The following C6orf120 variants were observed in gnomAD, a reference collection of about 807,000 sequenced individuals.
C6orf120 encodes the protein chromosome 6 open reading frame 120.
For missense variants in C6orf120, 311 were observed against 264.2 expected (o/e 1.18, Z -1.23); for synonymous variants, 165 against 123.1 (o/e 1.34, Z -2.25).
At chr6:169,702,322 A>C in exon 1 of C6orf120, 1 of 644,604 alleles carries the variant, frequency 1.6e-6, no homozygotes, top group South Asian at 1.8e-5. Context: ...GGGAAGGGAC[A>C]GTCCCAGCGA....
exon 1 of C6orf120, chr6:169,702,270 G>T (rs1488576246): frequency 1.2e-5 from 8 of 691,488 alleles, no homozygotes; most frequent in South Asian, 9.1e-5. Context: ...CGCTACGGGG[G>T]AGGGGTTAAC....
exon 1 of C6orf120, chr6:169,702,877 G>C: frequency 2.5e-6 from 4 of 1,611,988 alleles, no homozygotes; most frequent in Non-Finnish European, 3.4e-6. Context: ...CGGCACGGTC[G>C]AGCAGCACCC....
exon 1 of C6orf120, chr6:169,704,106 A>T (rs1392456665): frequency 6.4e-7 from 1 of 1,564,710 alleles, no homozygotes; most frequent in Admixed American, 2.2e-5. Flanking sequence ...AAAAATTGTT[A>T]ATATAGAATG....
chr6:169,705,518 G>A (rs1041387078), downstream of C6orf120: 6 of 790,896 alleles, frequency 7.6e-6, no homozygotes, highest in East Asian at 1.2e-4. Flanking sequence ...ATTTAATTTG[G>A]TGACTCTTTG....
At chr6:169,705,707 A>G, downstream of C6orf120, 1 of 1,572,442 alleles carries the variant, frequency 6.4e-7, no homozygotes, top group Non-Finnish European at 8.8e-7. Flanking sequence ...CACATATAGC[A>G]TTTGGAATGA....
At chr6:169,703,809 TATAAA>T in exon 1 of C6orf120, 1 of 556,906 alleles carries the variant, frequency 1.8e-6, no homozygotes, top group South Asian at 2.7e-5. Context: ...CCAAGGTTAC[TATAAA>T]ATACTTTGGA....
At chr6:169,705,784 G>A (rs1427820194), downstream of C6orf120, 7 of 867,280 alleles carry the variant, frequency 8.1e-6, no homozygotes, top group Non-Finnish European at 1.4e-5. Context: ...GGGTTTAAAA[G>A]GAATTCTGTT....
chr6:169,704,020 T>A, exon 1 of C6orf120: 1 of 1,601,212 alleles, frequency 6.2e-7, no homozygotes, highest in Non-Finnish European at 8.5e-7. Context: ...TCTTTGCTGT[T>A]TTTCCCCCTT....
chr6:169,706,165 TA>T (rs1466449068), downstream of C6orf120, among the ~76,000 whole-genome samples: 7 of 152,264 alleles, frequency 4.6e-5, 1 homozygote, highest in Admixed American at 4.6e-4. Context: ...ACTGCAAAAC[TA>T]GAGCTATAAA....
chr6:169,702,422 C>G, exon 1 of C6orf120: 1 of 1,318,022 alleles, frequency 7.6e-7, no homozygotes, highest in Non-Finnish European at 1.0e-6. Flanking sequence ...CCCAGCAGCA[C>G]TGACCCACTT....
At chr6:169,705,840 C>T (rs1335595589), downstream of C6orf120, 5 of 661,916 alleles carry the variant, frequency 7.6e-6, no homozygotes, top group Non-Finnish European at 1.4e-5. Flanking sequence ...TAATGAGGAC[C>T]ATTTTGAAAG....
exon 1 of C6orf120, chr6:169,702,595 C>G (rs753431727): frequency 3.7e-6 from 6 of 1,613,188 alleles, no homozygotes; most frequent in Non-Finnish European, 5.1e-6. Context: ...GCACGTCGTC[C>G]AGGGCCAGAT....
exon 1 of C6orf120, chr6:169,703,052 T>G: frequency 6.5e-7 from 1 of 1,541,720 alleles, no homozygotes; most frequent in Non-Finnish European, 8.8e-7. Flanking sequence ...GACCACACTC[T>G]GGGATATAAA....
At position 169,703,079 on chromosome 6, in the gene C6orf120, G is replaced by A. The variant is rs1203786211; in HGVS notation, c.*44G>A. The A allele has an allele frequency of 2.0e-6, 3 of 1,518,586 alleles. No individual in the cohort carries two copies. In the East Asian group the frequency reaches 7.4e-5, roughly 38 times the overall value. The allele number at this position is 1,518,586 out of a possible 1,614,324, so 94.1% of individuals were successfully genotyped here. ...GGATATAAAACCCTCCATCTGTGAA[G>A]CTGATTGCAGTTTGCTGTGAACCTT... On this transcript the variant is annotated 3_prime_UTR_variant, in exon 1 of 1. Coordinates refer to ENST00000332290, the Ensembl canonical transcript of C6orf120.
downstream of C6orf120, chr6:169,705,357 A>G: frequency 1.4e-6 from 2 of 1,449,588 alleles, no homozygotes; most frequent in Non-Finnish European, 1.9e-6. Context: ...ATCTCACATA[A>G]GAAATTTTAA....
downstream of C6orf120, chr6:169,705,543 GAA>G: frequency 1.1e-6 from 1 of 910,292 alleles, no homozygotes; most frequent in Non-Finnish European, 1.8e-6. Flanking sequence ...AAATCTGCCT[GAA>G]ACTATAAATT....
exon 1 of C6orf120, chr6:169,703,978 T>TACAGTATTATATGCATTTATTTTTTG: frequency 1.3e-6 from 2 of 1,509,954 alleles, no homozygotes; most frequent in Admixed American, 4.1e-5. Context: ...TAAATGCATA[T>TACAGTATTATATGCATTTATTTTTTG]ACAGTATTAG....
exon 1 of C6orf120, chr6:169,702,952 G>GAAGACGCCTCGC: frequency 6.2e-7 from 1 of 1,610,334 alleles, no homozygotes. Context: ...TGGTGCCCCG[G>GAAGACGCCTCGC]AAGACGCCTC....
At chr6:169,702,820 C>T (rs201907552) in exon 1 of C6orf120, 144 of 1,612,468 alleles carry the variant, frequency 8.9e-5, no homozygotes, top group Non-Finnish European at 1.2e-4. Flanking sequence ...CGTCTATGGA[C>T]ACCCCTCCCA....
Sources: gnomAD v4.1 joint callset for allele counts (sites outside exome capture counted in the v4.1 genomes callset) on GRCh38, gnomAD v4.1.1 for gene constraint, MANE v1.5 for transcripts, NCBI Gene and HGNC (gene_info 2026-07-23, HGNC 2026-07-21) for gene names.